Variants in KIF3C observed in about 807,000 individuals in gnomAD.
KIF3C encodes the protein kinesin family member 3C, also known as kinesin-like protein KIF3C.
A neutral mutation model predicts 67.7 loss-of-function variants in KIF3C; 12 were observed. That is an observed-to-expected ratio of 0.18 (90% CI 0.11 to 0.29). The LOEUF (loss-of-function observed/expected upper bound fraction) is 0.29, where lower values mean the gene tolerates loss of function less well. Ranked by LOEUF, KIF3C falls within the 10% of genes least tolerant of loss-of-function variation. The probability of loss-of-function intolerance (pLI) is 1.00; values close to 1 mark genes in which losing one functional copy is unlikely to be tolerated. For synonymous variants in KIF3C, 393 were observed against 426.2 expected, an observed-to-expected ratio of 0.92 and a Z score of 0.96; for missense variants, 789 against 1,059.6, an observed-to-expected ratio of 0.74 and a Z score of 3.55.
At chr2:25,947,408 T>A (rs922297505) in intron 5 of KIF3C, among the ~76,000 whole-genome samples, 1 of 151,948 alleles carries the variant, frequency 6.6e-6, no homozygotes, top group Non-Finnish European at 1.5e-5. Flanking sequence ...GGTGAAACCC[T>A]GTCTTTACTA....
chr2:25,942,909 T>A (rs1663332672), intron 5 of KIF3C, among the ~76,000 whole-genome samples: 1 of 152,196 alleles, frequency 6.6e-6, no homozygotes, highest in Admixed American at 6.6e-5. Flanking sequence ...AGAGAGGCAC[T>A]GGTCAGAGGG....
At chr2:25,960,192 C>T (rs1469876990) in intron 1 of KIF3C, among the ~76,000 whole-genome samples, 2 of 151,926 alleles carry the variant, frequency 1.3e-5, no homozygotes, top group African/African-American at 4.8e-5. Flanking sequence ...TCGCTTGAGC[C>T]CAGGGGTTCA....
chr2:25,981,987 G>A lies in KIF3C; in HGVS notation c.-70C>T, dbSNP rs1664609426. ...GGCGGTCCTGCTATCCTGCTCGCTA[G>A]GTCGGGATCAGCGGGGCCGGCCCAG... On this transcript the variant is annotated 5_prime_UTR_variant, in exon 1 of 8. Coordinates refer to ENST00000264712, the MANE Select transcript of KIF3C (RefSeq NM_002254.8). This position sits in a 1 kb window ranked among gnomAD's most constrained non-coding sequence, Gnocchi z 8.2. 1 of 1,327,346 alleles carries A rather than the reference G, an allele frequency of 7.5e-7. No individual in the cohort carries two copies. The highest frequency in any genetic ancestry group is 1.0e-6 in the Non-Finnish European group (1 of 986,878). The allele number at this position is 1,327,346 out of a possible 1,614,324, so 82.2% of individuals were successfully genotyped here.
At chr2:25,942,173 C>T (rs1663298103) in intron 5 of KIF3C, among the ~76,000 whole-genome samples, 2 of 151,792 alleles carry the variant, frequency 1.3e-5, no homozygotes, top group African/African-American at 2.4e-5. Flanking sequence ...GCCTGGCCAA[C>T]ATGGAGAAAC....
Position 25,935,226 on chromosome 2 carries a change from A to G in KIF3C, c.2007-5163T>C, listed in dbSNP as rs191319559. On this transcript the variant is annotated intron_variant, in intron 5 of 7. Transcript: ENST00000264712. Reference sequence around the variant, plus strand: ...ACTGCTGTACTCCAGCCTGGACAACAGAGTGAGACTCAGTCTTAAAAAAAA... The same window carrying G: ...ACTGCTGTACTCCAGCCTGGACAACGGAGTGAGACTCAGTCTTAAAAAAAA... Among the ~76,000 whole-genome samples, 45 of 152,306 alleles carry G rather than the reference A, an allele frequency of 3.0e-4. No individual in the cohort carries two copies. In the East Asian group the frequency reaches 7.5e-3, roughly 25 times the overall value.
chr2:25,968,946 C>G (rs1231570499), intron 1 of KIF3C, among the ~76,000 whole-genome samples: 1 of 152,090 alleles, frequency 6.6e-6, no homozygotes, highest in Non-Finnish European at 1.5e-5. Flanking sequence ...GCCTCAGCCT[C>G]CTGAGTAGCT....
intron 5 of KIF3C, among the ~76,000 whole-genome samples, chr2:25,949,975 C>T (rs1188295909): frequency 6.6e-6 from 1 of 151,466 alleles, no homozygotes; most frequent in Non-Finnish European, 1.5e-5. Flanking sequence ...ACTGCAACCT[C>T]TGCCTCCTGG....
rs372217868 is a variant in KIF3C, at chr2:25,956,462, T to C, written c.1546-18A>G. ...TCCATGGCCTGGGGACACAGAGGGG[T>C]TGGGAGGTGGGCTTTGCAAAGGGTC... is the stretch of plus-strand genomic sequence containing the variant. On this transcript the variant is annotated intron_variant, in intron 1 of 7. Transcript: ENST00000264712. The C allele has an allele frequency of 1.1e-4, 179 of 1,600,250 alleles. No homozygotes were observed. In the African/African-American group the frequency reaches 2.2e-3, roughly 20 times the overall value.
rs201365638 is a variant in KIF3C at position 25,980,839 on chromosome 2, T to C, written c.1079A>G (p.Asn360Ser). Residue 360 changes from asparagine (N) to serine (S), a missense_variant, in exon 1 of 8, where the codon AAC (asparagine) becomes AGC (serine). Physicochemically the swap from Asn to Ser is conservative, Grantham distance 46. Around this residue, in one of 2 missense-constraint regions of KIF3C, gnomAD observed 648 missense variants for 807.8 expected, o/e 0.80. Coordinates refer to ENST00000264712, the MANE Select transcript of KIF3C (RefSeq NM_002254.8). The surrounding 1 kb of genome is among the most constrained non-coding windows in gnomAD (Gnocchi z 7.6). Reference protein sequence around the residue: ...DESLSTLRFANRAKNIKNKPR... With the variant: ...DESLSTLRFASRAKNIKNKPR... Reference sequence around the variant, plus strand: ...CTTGTTCTTGATGTTCTTGGCTCGGTTGGCAAAGCGCAAGGTGGAGAGGCT... The same window carrying C: ...CTTGTTCTTGATGTTCTTGGCTCGGCTGGCAAAGCGCAAGGTGGAGAGGCT... The C allele has an allele frequency of 2.3e-5, 37 of 1,614,138 alleles. No homozygotes were observed. The East Asian group carries it at 4.7e-4, about 20-fold the overall frequency.
chr2:25,963,351 C>A (rs1196825538), intron 1 of KIF3C, among the ~76,000 whole-genome samples: 1 of 148,426 alleles, frequency 6.7e-6, no homozygotes, highest in African/African-American at 2.5e-5. Context: ...GGACCACAGG[C>A]ACCCACCACC....
At chr2:25,954,031 C>T (rs981730624) in intron 4 of KIF3C, 8 of 510,666 alleles carry the variant, frequency 1.6e-5, no homozygotes, top group African/African-American at 1.6e-4. Context: ...GCCTCAGGGC[C>T]TTCGGAGTTA....
intron 5 of KIF3C, among the ~76,000 whole-genome samples, chr2:25,946,537 A>C (rs1663440907): frequency 6.6e-6 from 1 of 152,080 alleles, no homozygotes; most frequent in South Asian, 2.1e-4. Flanking sequence ...AAAATACAAA[A>C]ATTAGCTGGG....
intron 1 of KIF3C, among the ~76,000 whole-genome samples, chr2:25,961,502 A>T (rs1469471120): frequency 6.6e-6 from 1 of 152,234 alleles, no homozygotes; most frequent in African/African-American, 2.4e-5. Context: ...TTTTGGGGAA[A>T]AGGAATCCTA....
chr2:25,964,940 C>A lies in KIF3C; in HGVS notation c.1546-8496G>T, dbSNP rs142639229. 3.0e-3 allele frequency among the ~76,000 whole-genome samples: 451 copies of A among 152,318 alleles called. 1 individual carries two copies. Among genetic ancestry groups the A allele is most frequent in the African/African-American group, 0.011 (438 of 41,570 alleles). On this transcript the variant is annotated intron_variant, in intron 1 of 7. Coordinates refer to ENST00000264712, the MANE Select transcript of KIF3C (RefSeq NM_002254.8). ...AGCTCCTGGGCTGGTTTCTGCTCATCTGCTTCCGCGTTGGATCTCCTCTGT... is the reference window on the plus strand; with the variant it reads ...AGCTCCTGGGCTGGTTTCTGCTCATATGCTTCCGCGTTGGATCTCCTCTGT...
At position 25,955,806 on chromosome 2, in the gene KIF3C, A is replaced by G; in HGVS notation, c.1648-143T>C. The G allele has an allele frequency of 2.2e-6, 2 of 903,392 alleles. No homozygotes were observed. Among genetic ancestry groups the G allele is most frequent in the South Asian group, 1.7e-5 (1 of 58,000 alleles). 56.0% of individuals were successfully genotyped at this position (903,392 alleles called of 1,614,324 possible). A position where few individuals can be genotyped will look rare whatever the true frequency, so the allele number is the denominator to read the frequency against. ...GGCCCACATCCACTGCTCCCACCCA[A>G]TCCTGCAGAGCCCCTGGGAACCCTC... On this transcript the variant is annotated intron_variant, in intron 2 of 7. Transcript: ENST00000264712. The surrounding 1 kb of genome is among the most constrained non-coding windows in gnomAD (Gnocchi z 5.0).
At chr2:25,962,869 A>G (rs1156379834) in intron 1 of KIF3C, among the ~76,000 whole-genome samples, 4 of 79,586 alleles carry the variant, frequency 5.0e-5, no homozygotes, top group Admixed American at 4.5e-4. Context: ...TATAATATAT[A>G]TAATATATAA....
Position 25,928,848 on chromosome 2 carries a change from T to C in KIF3C, c.*130A>G. ...GCAGGCAGAGGCACCATCTGCCAGA[T>C]TCTCACCCCTGCACACACGCACACG... On this transcript the variant is annotated 3_prime_UTR_variant, in exon 8 of 8. Transcript: ENST00000264712. The C allele has an allele frequency of 1.5e-6, 1 of 688,550 alleles. No individual in the cohort carries two copies. Among genetic ancestry groups the C allele is most frequent in the Non-Finnish European group, 2.5e-6 (1 of 405,538 alleles). The allele number at this position is 688,550 out of a possible 1,614,324, so 42.7% of individuals were successfully genotyped here.
At chr2:25,977,848 T>TG (rs1418392775) in intron 1 of KIF3C, among the ~76,000 whole-genome samples, 1 of 152,158 alleles carries the variant, frequency 6.6e-6, no homozygotes, top group Non-Finnish European at 1.5e-5. Context: ...CTTGGGGCTA[T>TG]GGGGAACTTG....
intron 1 of KIF3C, among the ~76,000 whole-genome samples, chr2:25,979,676 G>A (rs921367469): frequency 2.6e-5 from 4 of 152,136 alleles, no homozygotes; most frequent in Non-Finnish European, 5.9e-5. Context: ...CTCCTGCACT[G>A]TAAGGCCCAG....
Sources: allele counts gnomAD v4.1 joint callset (sites outside exome capture counted in the v4.1 genomes callset), GRCh38; gene constraint gnomAD v4.1.1; regional missense constraint gnomAD v4.1.1; non-coding constraint Gnocchi (gnomAD v3.1); transcripts MANE v1.5; gene names NCBI Gene and HGNC (gene_info 2026-07-23, HGNC 2026-07-21).